Variants in NEK10 observed in about 807,000 individuals in gnomAD.
NEK10 encodes NIMA related kinase 10, also known as serine/threonine-protein kinase Nek10.
NEK10 carries 122 observed loss-of-function variants against 159.8 expected under a neutral mutation model. The observed-to-expected ratio is 0.76, with a 90% CI of 0.66 to 0.89. The LOEUF (loss-of-function observed/expected upper bound fraction) is 0.89, where lower values mean the gene tolerates loss of function less well. Among genes scored for constraint, NEK10 ranks in the 40% least tolerant of loss-of-function variants. The probability of loss-of-function intolerance (pLI) is 0.00; values close to 1 mark genes in which losing one functional copy is unlikely to be tolerated. For synonymous variants in NEK10, 466 were observed against 457.1 expected, an observed-to-expected ratio of 1.02 and a Z score of -0.25; for missense variants, 1,342 against 1,323.1, an observed-to-expected ratio of 1.01 and a Z score of -0.22.
At chr3:27,351,610 C>T (rs1466163838) in intron 3 of NEK10, among the ~76,000 whole-genome samples, 1 of 152,064 alleles carries the variant, frequency 6.6e-6, no homozygotes, top group Admixed American at 6.6e-5. Context: ...AAATCATTTT[C>T]CAGTATAAGC....
chr3:27,217,139 C>A (rs545744856), intron 23 of NEK10, among the ~76,000 whole-genome samples: 1 of 152,242 alleles, frequency 6.6e-6, no homozygotes, highest in African/African-American at 2.4e-5. Context: ...GCCCAAATTC[C>A]TATCTAAGGC....
intron 25 of NEK10, among the ~76,000 whole-genome samples, chr3:27,196,554 C>T (rs184518028): frequency 3.9e-5 from 6 of 152,242 alleles, no homozygotes; most frequent in East Asian, 1.9e-4. Context: ...AACTTGGTGA[C>T]GCTCTAAACC....
At chr3:27,283,037 G>C (rs2149453414) in intron 22 of NEK10, among the ~76,000 whole-genome samples, 1 of 152,082 alleles carries the variant, frequency 6.6e-6, no homozygotes, top group South Asian at 2.1e-4. Flanking sequence ...TGTATTGAAG[G>C]TTATCTAGAG....
chr3:27,346,959 T>A (rs2047597507), intron 3 of NEK10, among the ~76,000 whole-genome samples: 1 of 152,242 alleles, frequency 6.6e-6, no homozygotes, highest in South Asian at 2.1e-4. Flanking sequence ...TTACCAGTAT[T>A]TGTCTATAAT....
In NEK10 at chr3:27,109,091, T is replaced by C. The variant is rs1939256461; in HGVS notation, c.*2181A>G. 1.3e-5 allele frequency among the ~76,000 whole-genome samples: 2 copies of C among 152,160 alleles called. No homozygotes were observed. Among genetic ancestry groups the C allele is most frequent in the South Asian group, 4.1e-4 (2 of 4,832 alleles). ...ATTCCTATCACCTAAAAGAGTTACA[T>C]GCAATGGCTGGGCACAGTGGCTCAC... On this transcript the variant is annotated 3_prime_UTR_variant, in exon 36 of 36. Transcript: ENST00000691995.
chr3:27,237,900 G>T (rs1021563267), intron 23 of NEK10, among the ~76,000 whole-genome samples: 3 of 152,090 alleles, frequency 2.0e-5, no homozygotes, highest in Non-Finnish European at 4.4e-5. Flanking sequence ...GTATAAAAAG[G>T]GCTGTGTCAC....
chr3:27,161,427 G>A (rs1946001547), intron 30 of NEK10, among the ~76,000 whole-genome samples: 1 of 152,156 alleles, frequency 6.6e-6, no homozygotes, highest in Non-Finnish European at 1.5e-5. Context: ...ATTACAGTCA[G>A]TTTGCCTATA....
chr3:27,177,877 G>A (rs1376171812), intron 26 of NEK10, among the ~76,000 whole-genome samples: 1 of 152,118 alleles, frequency 6.6e-6, no homozygotes, highest in Non-Finnish European at 1.5e-5. Flanking sequence ...AGGGATTTAG[G>A]CAAGAAAAAA....
At chr3:27,307,461 A>C (rs917757149) in intron 11 of NEK10, among the ~76,000 whole-genome samples, 1 of 152,190 alleles carries the variant, frequency 6.6e-6, no homozygotes, top group Non-Finnish European at 1.5e-5. Context: ...GTCAGTTGCT[A>C]TCTTATTTTA....
intron 26 of NEK10, among the ~76,000 whole-genome samples, chr3:27,181,496 T>G (rs1948099499): frequency 6.6e-6 from 1 of 151,906 alleles, no homozygotes; most frequent in Admixed American, 6.6e-5. Flanking sequence ...GCCTCAGGAG[T>G]GGCAAAGGCA....
intron 23 of NEK10, among the ~76,000 whole-genome samples, chr3:27,242,269 C>G (rs1954638524): frequency 6.6e-6 from 1 of 152,164 alleles, no homozygotes. Flanking sequence ...TCCAGCCTGA[C>G]AATAGGTAAT....
At position 27,297,206 on chromosome 3, in the gene NEK10, A is replaced by C. The variant is rs767569764; in HGVS notation, c.1203T>G (p.Asn401Lys). Residue 401 changes from asparagine to lysine, a missense_variant, in exon 14 of 36, where the codon AAT (asparagine) becomes AAG (lysine). Transcript: ENST00000691995. ...GAACCACCTGGTGGGCATTGGTGTC[A>C]TTGAGCACCAGCTCAGTGAGGGCAG... The part of the protein sequence containing the change: ...CCAALTELVL[N>K]DTNAHQVVQE... 7.4e-6 allele frequency: 12 copies of C among 1,613,384 alleles called. No individual in the cohort carries two copies. The highest frequency in any genetic ancestry group is 1.0e-5 in the Non-Finnish European group (12 of 1,179,314).
At chr3:27,264,618 C>G (rs2040723669) in intron 22 of NEK10, among the ~76,000 whole-genome samples, 1 of 152,098 alleles carries the variant, frequency 6.6e-6, no homozygotes, top group Admixed American at 6.5e-5. Context: ...TTGGCCAAGC[C>G]TGGTGGCTCA....
rs868714307 is a variant in NEK10, at chr3:27,252,218, G to C, written c.2090+4078C>G. 1.8e-5 allele frequency: 9 copies of C among 505,074 alleles called. 1 individual carries two copies. The Middle Eastern group carries it at 2.9e-3, about 161-fold the overall frequency. The allele number at this position is 505,074 out of a possible 1,614,324, so 31.3% of individuals were successfully genotyped here. On this transcript the variant is annotated intron_variant, in intron 23 of 35. Transcript: ENST00000691995. ...TTCAAGTACAACATAAGGTCAGGTA[G>C]AGGCAAGACTATGAAAAAATAAAGC...
chr3:27,233,134 C>T (rs1383475458), intron 23 of NEK10, among the ~76,000 whole-genome samples: 2 of 152,102 alleles, frequency 1.3e-5, no homozygotes, highest in Non-Finnish European at 1.5e-5. Flanking sequence ...TATTCACAAA[C>T]TATACATCCA....
At chr3:27,187,399 G>C (rs62255219) in intron 26 of NEK10, among the ~76,000 whole-genome samples, 1 of 151,960 alleles carries the variant, frequency 6.6e-6, no homozygotes, top group East Asian at 1.9e-4. Flanking sequence ...ACAAACAGGG[G>C]TTCAAAACAA....
intron 1 of NEK10, among the ~76,000 whole-genome samples, chr3:27,353,659 CA>C (rs1278156102): frequency 7.2e-5 from 11 of 152,128 alleles, no homozygotes; most frequent in Non-Finnish European, 1.6e-4. Flanking sequence ...ACAACAATAA[CA>C]GGTACAATAT....
At chr3:27,135,601 G>A (rs1359627765) in intron 31 of NEK10, among the ~76,000 whole-genome samples, 1 of 152,168 alleles carries the variant, frequency 6.6e-6, no homozygotes, top group African/African-American at 2.4e-5. Context: ...TACATCAGAA[G>A]ACTATCCATT....
At chr3:27,121,366 G>A (rs576378426) in intron 32 of NEK10, among the ~76,000 whole-genome samples, 4 of 152,112 alleles carry the variant, frequency 2.6e-5, no homozygotes, top group Non-Finnish European at 4.4e-5. Flanking sequence ...TTTCATCATC[G>A]GTGATATGGT....
Sources: gnomAD v4.1 joint callset for allele counts (sites outside exome capture counted in the v4.1 genomes callset) on GRCh38, gnomAD v4.1.1 for gene constraint, MANE v1.5 for transcripts, NCBI Gene and HGNC (gene_info 2026-07-23, HGNC 2026-07-21) for gene names.